AXDND1: variants seen among roughly 807,000 people sequenced by gnomAD.
The protein encoded by AXDND1 is axonemal dynein light chain domain containing 1.
In AXDND1, 110 loss-of-function variants were observed where a neutral mutation model predicts 137.5. That is an observed-to-expected ratio of 0.80 (90% CI 0.69 to 0.94). The LOEUF is 0.94. AXDND1 is among the 40% of genes least tolerant of loss of function. The pLI, the probability that AXDND1 is intolerant of heterozygous loss-of-function variation, is 0.00. For synonymous variants in AXDND1, 414 were observed against 399.7 expected (o/e 1.04, Z -0.43); for missense variants, 1,191 against 1,169.8 (o/e 1.02, Z -0.26).
chr1:179,554,406 G>A (rs1211703134), intron 25 of AXDND1, 106 bp from the exon 26 acceptor site: 2 of 1,597,838 alleles, frequency 1.3e-6, no homozygotes, highest in Non-Finnish European at 8.6e-7. Flanking sequence ...TTTTTCAAAT[G>A]AAAAATTTAA....
intron 17 of AXDND1, among the ~76,000 whole-genome samples, chr1:179,479,225 C>G (rs928608113): frequency 2.6e-5 from 4 of 152,126 alleles, no homozygotes; most frequent in Non-Finnish European, 4.4e-5. Flanking sequence ...GCCTGTAATC[C>G]CAGCACTTTG....
chr1:179,465,882 G>T (rs1351569136), intron 16 of AXDND1, among the ~76,000 whole-genome samples: 2 of 152,220 alleles, frequency 1.3e-5, no homozygotes, highest in Non-Finnish European at 2.9e-5. Flanking sequence ...TGTTGTGCTA[G>T]CAGTGAGTGA....
intron 12 of AXDND1, 74 bp downstream of exon 12, chr1:179,411,340 TTTTTTG>T: frequency 2.6e-6 from 4 of 1,564,368 alleles, no homozygotes; most frequent in African/African-American, 1.4e-5. Context: ...AAAATTTGTT[TTTTTTG>T]TTTTGTTTTG....
At chr1:179,470,817 T>C (rs1337918563) in intron 17 of AXDND1, among the ~76,000 whole-genome samples, 2 of 152,158 alleles carry the variant, frequency 1.3e-5, no homozygotes, top group Non-Finnish European at 2.9e-5. Context: ...GAATGGAAGA[T>C]GTTGTTCCTA....
At chr1:179,406,568 T>C (rs1653005215) in intron 11 of AXDND1, among the ~76,000 whole-genome samples, 1 of 152,170 alleles carries the variant, frequency 6.6e-6, no homozygotes, top group Non-Finnish European at 1.5e-5. Context: ...AGAGTTGTTA[T>C]ATCCTTTTCC....
chr1:179,400,213 GTA>G (rs924994410), intron 11 of AXDND1, among the ~76,000 whole-genome samples: 1 of 151,238 alleles, frequency 6.6e-6, no homozygotes, highest in African/African-American at 2.4e-5. Flanking sequence ...AAACTGTGGT[GTA>G]TATATATATA....
intron 15 of AXDND1, among the ~76,000 whole-genome samples, chr1:179,441,158 G>A (rs963921477): frequency 6.6e-6 from 1 of 152,170 alleles, no homozygotes; most frequent in Admixed American, 6.5e-5. Context: ...CCCGGCAGGA[G>A]AGTGCCATTC....
intron 21 of AXDND1, among the ~76,000 whole-genome samples, chr1:179,510,389 A>G (rs1318242516): frequency 1.3e-5 from 2 of 152,168 alleles, no homozygotes; most frequent in African/African-American, 4.8e-5. Flanking sequence ...CTGATGGCCT[A>G]TATGTCAGTG....
At chr1:179,463,881 C>G (rs61279542) in intron 16 of AXDND1, among the ~76,000 whole-genome samples, 21,059 of 151,722 alleles carry the variant, frequency 0.14, 1,589 homozygotes, top group East Asian at 0.35. Flanking sequence ...TAATGGCCTT[C>G]TTTGTCTCTT....
chr1:179,438,484 A>T (rs779493528), intron 15 of AXDND1, among the ~76,000 whole-genome samples: 13 of 152,236 alleles, frequency 8.5e-5, no homozygotes, highest in Non-Finnish European at 1.3e-4. Flanking sequence ...GAATAGAATC[A>T]TGCAAAGCTA....
At chr1:179,385,783 C>T (rs547638206) in intron 9 of AXDND1, among the ~76,000 whole-genome samples, 171 of 152,232 alleles carry the variant, frequency 1.1e-3, no homozygotes, top group South Asian at 2.1e-3. Flanking sequence ...GTTAAGTAGG[C>T]TTAAGATTGG....
intron 9 of AXDND1, 131 bp from the exon 10 acceptor site, chr1:179,393,772 T>C (rs985877054): frequency 3.5e-5 from 21 of 604,784 alleles, no homozygotes; most frequent in Non-Finnish European, 4.9e-5. Context: ...ATTGATTTCT[T>C]GATTTGATTC....
chr1:179,410,067 A>T (rs892673290), intron 11 of AXDND1, among the ~76,000 whole-genome samples: 2 of 152,168 alleles, frequency 1.3e-5, no homozygotes, highest in Non-Finnish European at 2.9e-5. Context: ...GAATTTGTAC[A>T]TGTGTATTCA....
intron 11 of AXDND1, among the ~76,000 whole-genome samples, chr1:179,396,734 A>G (rs1251061235): frequency 6.6e-6 from 1 of 152,150 alleles, no homozygotes; most frequent in Admixed American, 6.5e-5. Context: ...TAGAACAAAT[A>G]TTTCTGCACT....
At chr1:179,463,048 T>C (rs574368644) in intron 16 of AXDND1, among the ~76,000 whole-genome samples, 1 of 152,346 alleles carries the variant, frequency 6.6e-6, no homozygotes, top group East Asian at 1.9e-4. Flanking sequence ...CTATCAATTT[T>C]GTTAATCTTT....
intron 4 of AXDND1, among the ~76,000 whole-genome samples, chr1:179,373,153 C>A (rs1318950244): frequency 6.6e-6 from 1 of 152,102 alleles, no homozygotes; most frequent in African/African-American, 2.4e-5. Flanking sequence ...CAAACCATAA[C>A]AATACCCAGT....
At chr1:179,430,732 C>A in intron 14 of AXDND1, 126 bp downstream of exon 14, 1 of 992,356 alleles carries the variant, frequency 1.0e-6, no homozygotes, top group Non-Finnish European at 1.5e-6. Flanking sequence ...GGAGCAGTCC[C>A]TATGAAGGCA....
intron 17 of AXDND1, among the ~76,000 whole-genome samples, chr1:179,473,353 C>A (rs1664197406): frequency 6.6e-6 from 1 of 151,884 alleles, no homozygotes; most frequent in Non-Finnish European, 1.5e-5. Context: ...TAAAAATTAG[C>A]TGGGTGTGGT....
At chr1:179,388,596 AT>A (rs34536914) in intron 9 of AXDND1, among the ~76,000 whole-genome samples, 20 of 149,042 alleles carry the variant, frequency 1.3e-4, no homozygotes, top group East Asian at 2.0e-4. Flanking sequence ...CCCCTAAGAG[AT>A]TTTTTTTTTT....
Sources: gnomAD v4.1 joint callset for allele counts (sites outside exome capture counted in the v4.1 genomes callset) on GRCh38, gnomAD v4.1.1 for gene constraint, MANE v1.5 for transcripts, NCBI Gene and HGNC (gene_info 2026-07-23, HGNC 2026-07-21) for gene names.